The following SLC6A4 variants were observed in gnomAD, a reference collection of about 807,000 sequenced individuals.
The protein encoded by SLC6A4 is sodium-dependent serotonin transporter.
SLC6A4 carries 22 observed loss-of-function variants against 73.4 expected under a neutral mutation model. That is an observed-to-expected ratio of 0.30 (90% CI 0.21 to 0.43). The LOEUF is 0.43. Among genes scored for constraint, SLC6A4 ranks in the 20% least tolerant of loss-of-function variants. The probability of loss-of-function intolerance (pLI) is 1.00; values close to 1 mark genes in which losing one functional copy is unlikely to be tolerated. For missense variants in SLC6A4, 593 were observed against 808.5 expected (o/e 0.73, Z 3.23); for synonymous variants, 270 against 315.5 (o/e 0.86, Z 1.53).
chr17:30,218,477 A>T (rs944859123), intron 4 of SLC6A4, 140 bp from the exon 5 acceptor site: 12 of 672,186 alleles, frequency 1.8e-5, no homozygotes, highest in Non-Finnish European at 2.8e-5. Flanking sequence ...CATTCCAAGG[A>T]CTCCAGGCCA....
At chr17:30,231,916 C>T (rs1428677012) in intron 1 of SLC6A4, among the ~76,000 whole-genome samples, 1 of 152,086 alleles carries the variant, frequency 6.6e-6, no homozygotes, top group African/African-American at 2.4e-5. Context: ...GAGAAGAGAG[C>T]GAAAGTAGAA....
At chr17:30,224,359 A>C (rs1233326525) in intron 1 of SLC6A4, among the ~76,000 whole-genome samples, 1 of 152,126 alleles carries the variant, frequency 6.6e-6, no homozygotes, top group African/African-American at 2.4e-5. Flanking sequence ...CTGGGACTAC[A>C]GGCGTGCTCC....
chr17:30,218,250 G>A lies in SLC6A4; in HGVS notation c.566C>T (p.Ser189Phe), dbSNP rs765907376. 6.2e-7 allele frequency: 1 copy of A among 1,614,120 alleles called. No individual in the cohort carries two copies. Among genetic ancestry groups the A allele is most frequent in the East Asian group, 2.2e-5 (1 of 44,904 alleles). Residue 189 changes from serine (S) to phenylalanine (F), a missense_variant, in exon 5 of 15, where the codon TCC (serine) becomes TTC (phenylalanine). Physicochemically the swap from Ser to Phe is radical, Grantham distance 155. Transcript: ENST00000650711. ...CCAGGGCAGCTGGTCCGTGAAGGAGGAGATGAGGTAGTATAGCGCCCAGGC... is the reference window on the plus strand; with the variant it reads ...CCAGGGCAGCTGGTCCGTGAAGGAGAAGATGAGGTAGTATAGCGCCCAGGC... ...IMAWALYYLISSFTDQLPWTS... is the reference protein window; with the variant it reads ...IMAWALYYLIFSFTDQLPWTS...
intron 1 of SLC6A4, among the ~76,000 whole-genome samples, chr17:30,231,090 G>A (rs1452155804): frequency 6.6e-6 from 1 of 152,088 alleles, no homozygotes; most frequent in African/African-American, 2.4e-5. Flanking sequence ...CGGGGGAAAT[G>A]GGAATATGAG....
At chr17:30,224,075 A>G (rs968864522) in intron 1 of SLC6A4, among the ~76,000 whole-genome samples, 2 of 152,190 alleles carry the variant, frequency 1.3e-5, no homozygotes, top group African/African-American at 4.8e-5. Flanking sequence ...CCTCCGGCCT[A>G]TATCAATGAC....
At chr17:30,206,070 A>C (rs1347680959) in intron 13 of SLC6A4, 2 of 152,060 alleles carry the variant, frequency 1.3e-5, no homozygotes, top group Non-Finnish European at 2.9e-5. Context: ...CGGCCTCCCA[A>C]AATGCTGGGA....
intron 12 of SLC6A4, 122 bp downstream of exon 12, chr17:30,209,021 A>G (rs1906298318): frequency 3.0e-6 from 2 of 655,910 alleles, no homozygotes; most frequent in Non-Finnish European, 5.4e-6. Flanking sequence ...TTACAGACCC[A>G]TCATCGGGAG....
intron 1 of SLC6A4, among the ~76,000 whole-genome samples, chr17:30,227,553 A>G (rs1299858838): frequency 6.6e-6 from 1 of 151,988 alleles, no homozygotes; most frequent in Non-Finnish European, 1.5e-5. Flanking sequence ...TGGCATGATC[A>G]TGGCTCTCTG....
At position 30,197,892 on chromosome 17, in the gene SLC6A4, A is replaced by G. The variant is rs199634962; in HGVS notation, c.*564T>C. 220 of 153,184 alleles carry G rather than the reference A, an allele frequency of 1.4e-3. 1 individual carries two copies. The highest frequency in any genetic ancestry group is 1.4e-3 in the Non-Finnish European group (98 of 68,236). The allele number at this position is 153,184 out of a possible 1,614,324, so 9.5% of individuals were successfully genotyped here. ...AATATACACAGACTCACAAGCTTGC[A>G]TGGACACACTATTTTTCATTTTAGC... On this transcript the variant is annotated 3_prime_UTR_variant, in exon 15 of 15. Transcript: ENST00000650711.
chr17:30,196,756 AT>A lies in SLC6A4; in HGVS notation c.*1699del, dbSNP rs1905875825. ...TAGGTCAGTGAGGGATATTTCCTAA[AT>A]TCCCCACTTCTTTTCCTCTAGCAGT... On this transcript the variant is annotated 3_prime_UTR_variant, in exon 15 of 15. Coordinates refer to ENST00000650711, the MANE Select transcript of SLC6A4 (RefSeq NM_001045.6). The A allele has an allele frequency of 6.6e-6, 1 of 152,354 alleles. No individual in the cohort carries two copies. The highest frequency in any genetic ancestry group is 2.4e-5 in the African/African-American group (1 of 41,432). The allele number at this position is 152,354 out of a possible 1,614,324, so 9.4% of individuals were successfully genotyped here. A position where few individuals can be genotyped will look rare whatever the true frequency, so the allele number is the denominator to read the frequency against.
intron 12 of SLC6A4, 74 bp downstream of exon 12, chr17:30,209,069 G>T: frequency 9.6e-7 from 1 of 1,036,838 alleles, no homozygotes. Flanking sequence ...GCCTTTTTTG[G>T]TGAAATCAGC....
At chr17:30,233,405 AACTT>A (rs1907174425) in intron 1 of SLC6A4, among the ~76,000 whole-genome samples, 1 of 152,164 alleles carries the variant, frequency 6.6e-6, no homozygotes, top group African/African-American at 2.4e-5. Flanking sequence ...TGCAGGGGTT[AACTT>A]ACTTACATGT....
chr17:30,222,020 G>A lies in SLC6A4; in HGVS notation c.-62C>T. The A allele has an allele frequency of 6.2e-7, 1 of 1,610,846 alleles. No homozygotes were observed. Among genetic ancestry groups the A allele is most frequent in the South Asian group, 1.1e-5 (1 of 90,650 alleles). On this transcript the variant is annotated 5_prime_UTR_variant, in exon 3 of 15. Transcript: ENST00000650711. ...CAAGGATCCCAATTGATCTCTGGGT[G>A]CTTGGATTTGTGGATCACCTCCGAG...
At chr17:30,217,963 T>C (rs537241388) in intron 5 of SLC6A4, among the ~76,000 whole-genome samples, 155 bp downstream of exon 5, 1 of 151,962 alleles carries the variant, frequency 6.6e-6, no homozygotes, top group Admixed American at 6.5e-5. Flanking sequence ...TGAGGTAGAG[T>C]TTCCCAGCTC....
At chr17:30,201,919 A>G (rs1906048081) in intron 14 of SLC6A4, among the ~76,000 whole-genome samples, 10 of 152,176 alleles carry the variant, frequency 6.6e-5, no homozygotes, top group Admixed American at 5.2e-4. Flanking sequence ...CCTGGGCAAC[A>G]TAGTGAGATC....
At chr17:30,203,097 A>G in intron 14 of SLC6A4, 75 bp downstream of exon 14, 3 of 1,230,690 alleles carry the variant, frequency 2.4e-6, no homozygotes, top group African/African-American at 3.0e-5. Flanking sequence ...TGAATAGAGC[A>G]TAACAAGATA....
intron 14 of SLC6A4, among the ~76,000 whole-genome samples, chr17:30,202,276 C>T (rs1269542837): frequency 6.6e-6 from 1 of 152,120 alleles, no homozygotes; most frequent in Non-Finnish European, 1.5e-5. Flanking sequence ...AGGCACGTGC[C>T]ACCATGCGCA....
Position 30,218,252 on chromosome 17 carries a change from G to A in SLC6A4, c.564C>T (p.Ile188=). Residue 188 remains isoleucine (I), a synonymous_variant, in exon 5 of 15, where the codon ATC becomes ATT. Transcript: ENST00000650711. ...TIMAWALYYL[I]SSFTDQLPWT... ...AGGGCAGCTGGTCCGTGAAGGAGGA[G>A]ATGAGGTAGTATAGCGCCCAGGCCA... 6.2e-7 allele frequency: 1 copy of A among 1,614,220 alleles called. No individual in the cohort carries two copies. The highest frequency in any genetic ancestry group is 8.5e-7 in the Non-Finnish European group (1 of 1,180,020).
intron 14 of SLC6A4, among the ~76,000 whole-genome samples, chr17:30,199,521 C>T (rs1358000196): frequency 6.6e-6 from 1 of 152,134 alleles, no homozygotes; most frequent in Admixed American, 6.5e-5. Context: ...TGCCTTCAAG[C>T]TTTTCTATTT....
Sources: gnomAD v4.1 joint callset for allele counts (sites outside exome capture counted in the v4.1 genomes callset) on GRCh38, gnomAD v4.1.1 for gene constraint, MANE v1.5 for transcripts, NCBI Gene and HGNC (gene_info 2026-07-23, HGNC 2026-07-21) for gene names.